The following CELF1 variants were observed in gnomAD, a reference collection of about 807,000 sequenced individuals.
CELF1 encodes the protein 50 kDa nuclear polyadenylated RNA-binding protein.
A neutral mutation model predicts 61.8 loss-of-function variants in CELF1; 10 were observed. The ratio of observed to expected loss-of-function variants is 0.16; its 90% CI spans 0.10 to 0.27. CELF1 has a LOEUF of 0.27. Ranked by LOEUF, CELF1 falls within the 10% of genes least tolerant of loss-of-function variation. CELF1 has a pLI of 1.00. For synonymous variants in CELF1, 236 were observed against 225.1 expected, an observed-to-expected ratio of 1.05 and a Z score of -0.43; for missense variants, 380 against 639.1, an observed-to-expected ratio of 0.59 and a Z score of 4.37.
intron 2 of CELF1, among the ~76,000 whole-genome samples, chr11:47,558,333 G>C (rs1425389684): frequency 6.7e-6 from 1 of 149,898 alleles, no homozygotes; most frequent in African/African-American, 2.5e-5. Context: ...AATTTCCTAT[G>C]AGTGTTTTAT....
chr11:47,481,877 C>A (rs546629270), intron 9 of CELF1, among the ~76,000 whole-genome samples: 1 of 152,152 alleles, frequency 6.6e-6, no homozygotes, highest in Non-Finnish European at 1.5e-5. Context: ...GAATATACAC[C>A]TGTAATGCTC....
intron 3 of CELF1, among the ~76,000 whole-genome samples, chr11:47,494,920 G>A (rs2092777821): frequency 1.3e-5 from 2 of 152,198 alleles, no homozygotes; most frequent in East Asian, 3.9e-4. Context: ...TTTTATAGTT[G>A]TTGTTGTTTT....
At chr11:47,501,426 G>A (rs1305020468) in intron 1 of CELF1, among the ~76,000 whole-genome samples, 1 of 152,184 alleles carries the variant, frequency 6.6e-6, no homozygotes, top group African/African-American at 2.4e-5. Flanking sequence ...CCTATAGAAA[G>A]CTGCCTAGAC....
intron 12 of CELF1, among the ~76,000 whole-genome samples, chr11:47,476,519 C>G (rs958324146): frequency 6.6e-6 from 1 of 151,938 alleles, no homozygotes; most frequent in Non-Finnish European, 1.5e-5. Flanking sequence ...TCTGCCTCCC[C>G]GGTTCATGCC....
chr11:47,484,113 G>GT (rs1330062431), intron 7 of CELF1, among the ~76,000 whole-genome samples: 1 of 152,100 alleles, frequency 6.6e-6, no homozygotes, highest in Non-Finnish European at 1.5e-5. Context: ...TGACAGGATC[G>GT]TTTGAGTCCA....
intron 1 of CELF1, among the ~76,000 whole-genome samples, chr11:47,526,485 T>C (rs78720476): frequency 0.016 from 2,423 of 152,306 alleles, 48 homozygotes; most frequent in African/African-American, 0.048. Flanking sequence ...GGAAGCAAAA[T>C]TATAGTTTTT....
intron 1 of CELF1, 120 bp from the exon 2 acceptor site, chr11:47,501,052 CATCT>C (rs1418124362): frequency 2.5e-6 from 1 of 395,924 alleles, no homozygotes; most frequent in Non-Finnish European, 4.4e-6. Context: ...CAATGGCTAA[CATCT>C]GTCTGCACCT....
At chr11:47,556,338 C>T (rs1306472885), upstream of CELF1, among the ~76,000 whole-genome samples, 1 of 152,108 alleles carries the variant, frequency 6.6e-6, no homozygotes, top group Non-Finnish European at 1.5e-5. Context: ...GTGTGTGCCA[C>T]CATGTCCAAC....
chr11:47,486,860 G>C (rs2087620652), intron 5 of CELF1, 62 bp from the exon 6 acceptor site: 7 of 1,252,832 alleles, frequency 5.6e-6, no homozygotes, highest in South Asian at 4.8e-5. Flanking sequence ...AAATACATAT[G>C]GACTCTAAAA....
At chr11:47,502,042 A>T (rs2093973598) in intron 1 of CELF1, among the ~76,000 whole-genome samples, 1 of 152,214 alleles carries the variant, frequency 6.6e-6, no homozygotes, top group South Asian at 2.1e-4. Flanking sequence ...CTCTCCTTAA[A>T]ATAGTTTCCA....
intron 1 of CELF1, among the ~76,000 whole-genome samples, chr11:47,542,263 G>A (rs1182641020): frequency 6.6e-5 from 10 of 152,016 alleles, no homozygotes; most frequent in Non-Finnish European, 1.0e-4. Context: ...CCAGCTACTC[G>A]AGGTTGAGGC....
chr11:47,548,617 G>A (rs1306218329), intron 1 of CELF1, among the ~76,000 whole-genome samples: 1 of 152,040 alleles, frequency 6.6e-6, no homozygotes, highest in Non-Finnish European at 1.5e-5. Context: ...TGTAATCCCA[G>A]TACTTTGGGA....
intron 1 of CELF1, among the ~76,000 whole-genome samples, chr11:47,527,111 C>T (rs1290861053): frequency 1.3e-5 from 2 of 150,318 alleles, no homozygotes. Context: ...TTACTGAGTA[C>T]ACAGCAGGAT....
upstream of CELF1, among the ~76,000 whole-genome samples, chr11:47,554,807 G>A (rs1415980858): frequency 1.3e-5 from 2 of 151,734 alleles, no homozygotes; most frequent in African/African-American, 2.4e-5. Flanking sequence ...GATTACAGGC[G>A]CGTGCCACGA....
In CELF1 at chr11:47,467,568, CGCTTGGTG is replaced by C. The variant is rs1187393893; in HGVS notation, c.*4654_*4661del. On this transcript the variant is annotated 3_prime_UTR_variant, in exon 15 of 15. Coordinates refer to ENST00000687097, the MANE Select transcript of CELF1 (RefSeq NM_001376376.1). The stretch of plus-strand genomic sequence containing the variant: ...GGAAAAGCGCCAGCAGGTGAATTGC[CGCTTGGTG>C]TGCAGATGGCCTCCTACGGGTGATT... 4.6e-5 allele frequency: 7 copies of C among 152,352 alleles called. No homozygotes were observed. The allele number at this position is 152,352 out of a possible 1,614,324, so 9.4% of individuals were successfully genotyped here.
Position 47,472,042 on chromosome 11 carries a change from C to T in CELF1, c.*188G>A. ...ACTGGAAACCAAAGCACAAACTTGTCCTCTGTACGAAGCGAAACTCCCACA... is the reference window on the plus strand; with the variant it reads ...ACTGGAAACCAAAGCACAAACTTGTTCTCTGTACGAAGCGAAACTCCCACA... On this transcript the variant is annotated 3_prime_UTR_variant, in exon 15 of 15. Coordinates refer to ENST00000687097, the MANE Select transcript of CELF1 (RefSeq NM_001376376.1). 1.6e-6 allele frequency: 1 copy of T among 633,396 alleles called. No individual in the cohort carries two copies. The highest frequency in any genetic ancestry group is 2.6e-5 in the East Asian group (1 of 39,172). The allele number at this position is 633,396 out of a possible 1,614,324, so 39.2% of individuals were successfully genotyped here. A position where few individuals can be genotyped will look rare whatever the true frequency, so the allele number is the denominator to read the frequency against.
chr11:47,526,747 T>C (rs1348535932), intron 1 of CELF1, among the ~76,000 whole-genome samples: 1 of 152,140 alleles, frequency 6.6e-6, no homozygotes, highest in African/African-American at 2.4e-5. Context: ...TCCTTGATTA[T>C]AAAACACTGC....
intron 1 of CELF1, among the ~76,000 whole-genome samples, chr11:47,506,475 TTG>T (rs2094510586): frequency 6.6e-6 from 1 of 151,936 alleles, no homozygotes; most frequent in South Asian, 2.1e-4. Context: ...GTTGATAAAT[TTG>T]TGTTAGGCTA....
chr11:47,554,870 G>A (rs138605103), upstream of CELF1, among the ~76,000 whole-genome samples: 79 of 152,056 alleles, frequency 5.2e-4, 3 homozygotes, highest in African/African-American at 1.8e-3. Flanking sequence ...ACCCCTGTTG[G>A]TCAGGCTGGT....
Sources: allele counts gnomAD v4.1 joint callset (sites outside exome capture counted in the v4.1 genomes callset), GRCh38; gene constraint gnomAD v4.1.1; transcripts MANE v1.5; gene names NCBI Gene and HGNC (gene_info 2026-07-23, HGNC 2026-07-21).